Variants in RUNX3 observed in about 807,000 individuals in gnomAD.
RUNX3 encodes the protein runt-related transcription factor 3.
Under a neutral mutation model 27.7 loss-of-function variants are expected in RUNX3, and 10 were observed. The observed-to-expected ratio is 0.36, with a 90% CI of 0.22 to 0.61. The LOEUF (loss-of-function observed/expected upper bound fraction) is 0.61, where lower values mean the gene tolerates loss of function less well. Among genes scored for constraint, RUNX3 ranks in the 20% least tolerant of loss-of-function variants. RUNX3 has a pLI of 0.72. For missense variants in RUNX3, 469 were observed against 629.5 expected, an observed-to-expected ratio of 0.75 and a Z score of 2.73; for synonymous variants, 270 against 269.2, an observed-to-expected ratio of 1.00 and a Z score of -0.03.
intron 1 of RUNX3, chr1:24,929,083 G>C (rs1323083163): frequency 4.4e-6 from 2 of 458,614 alleles, no homozygotes; most frequent in Non-Finnish European, 8.8e-6. Context: ...CTGGAGAGCA[G>C]TGCCCCGATC....
chr1:24,909,532 T>C (rs752961293), intron 3 of RUNX3, among the ~76,000 whole-genome samples: 15 of 152,164 alleles, frequency 9.9e-5, no homozygotes, highest in Non-Finnish European at 1.8e-4. Flanking sequence ...GGAGTTCCCA[T>C]AAAACCCTGG....
intron 2 of RUNX3, among the ~76,000 whole-genome samples, chr1:24,949,496 G>C (rs988650132): frequency 6.6e-6 from 1 of 152,114 alleles, no homozygotes; most frequent in Non-Finnish European, 1.5e-5. Flanking sequence ...ACAGAGAGAG[G>C]CCCCAACCTG....
intron 2 of RUNX3, among the ~76,000 whole-genome samples, chr1:24,951,219 A>AAAT (rs1430956432): frequency 4.9e-4 from 73 of 150,388 alleles, no homozygotes; most frequent in African/African-American, 1.7e-3. Flanking sequence ...AAAAAAAAAA[A>AAAT]AAAATAAGGC....
At chr1:24,924,146 C>T (rs1010142224) in intron 2 of RUNX3, among the ~76,000 whole-genome samples, 1 of 152,140 alleles carries the variant, frequency 6.6e-6, no homozygotes, top group East Asian at 1.9e-4. Flanking sequence ...GCAGGAGGAT[C>T]GCTTGAGTCC....
chr1:24,901,835 G>A lies in RUNX3; in HGVS notation c.*287C>T, dbSNP rs983309157. On this transcript the variant is annotated 3_prime_UTR_variant, in exon 5 of 5. Transcript: ENST00000308873. ...AGCTGGAGACAGTGAGGTCCTTCCG[G>A]GGGGGTGGCAGGAGGCTGATTCCCC... 6.8e-6 allele frequency: 3 copies of A among 441,580 alleles called. No homozygotes were observed. The highest frequency in any genetic ancestry group is 3.6e-5 in the East Asian group (1 of 27,796). 27.4% of individuals were successfully genotyped at this position (441,580 alleles called of 1,614,324 possible).
intron 1 of RUNX3, 95 bp downstream of exon 1, chr1:24,929,492 C>G (rs757359840): frequency 1.6e-6 from 2 of 1,273,732 alleles, no homozygotes. Flanking sequence ...TCTCGGGCAC[C>G]TCCCATCCCC....
upstream of RUNX3, among the ~76,000 whole-genome samples, chr1:24,935,011 C>A (rs546487745): frequency 3.3e-5 from 5 of 152,114 alleles, no homozygotes; most frequent in Non-Finnish European, 7.4e-5. Context: ...AACCAGTCTG[C>A]GAGGAGGCAG....
At chr1:24,960,248 A>C (rs75607015) in intron 2 of RUNX3, among the ~76,000 whole-genome samples, 13,075 of 152,238 alleles carry the variant, frequency 0.086, 1,902 homozygotes, top group African/African-American at 0.3. Flanking sequence ...TGTTCATCAA[A>C]TGGAAAATGC....
rs1436604304 is a variant in RUNX3 at position 24,943,558 on chromosome 1, T to G, written c.59-13706A>C. Among the ~76,000 whole-genome samples the G allele has an allele frequency of 2.0e-5, 3 of 152,098 alleles. No homozygotes were observed. The highest frequency in any genetic ancestry group is 2.9e-5 in the Non-Finnish European group (2 of 68,016). On this transcript the variant is annotated intron_variant, in intron 2 of 6. Coordinates refer to the RUNX3 transcript ENST00000338888. The surrounding 1 kb of genome is among the most constrained non-coding windows in gnomAD (Gnocchi z 4.6). ...CCTGCCAAACACACAGCTACCAGGT[T>G]TTTGTCTTAGGAAATAAGAGCCCTG... is the stretch of plus-strand genomic sequence containing the variant.
Position 24,916,161 on chromosome 1 carries a change from T to C in RUNX3, c.544+3079A>G, listed in dbSNP as rs1275731281. Among the ~76,000 whole-genome samples the C allele has an allele frequency of 5.9e-5, 9 of 152,162 alleles. No individual in the cohort carries two copies. Among genetic ancestry groups the C allele is most frequent in the Non-Finnish European group, 1.3e-4 (9 of 68,012 alleles). On this transcript the variant is annotated intron_variant, in intron 3 of 4. Transcript: ENST00000308873. The surrounding 1 kb of genome is among the most constrained non-coding windows in gnomAD (Gnocchi z 4.8). ...CACTTCACCCCACAGCGGGCTCAGA[T>C]TTCAGAGGGTCGGAGGTGGCAAAAC... is the stretch of plus-strand genomic sequence containing the variant.
Position 24,901,028 on chromosome 1 carries a change from G to GTTTT in RUNX3, c.*1090_*1093dup. 1 of 123,572 alleles carries GTTTT rather than the reference G, an allele frequency of 8.1e-6. No homozygotes were observed. Among genetic ancestry groups the GTTTT allele is most frequent in the African/African-American group, 3.5e-5 (1 of 28,882 alleles). The allele number at this position is 123,572 out of a possible 1,614,324, so 7.7% of individuals were successfully genotyped here. A position where few individuals can be genotyped will look rare whatever the true frequency, so the allele number is the denominator to read the frequency against. ...TTAAAAACTGTTTTGTTTTTTTTTT[G>GTTTT]TTTTTTTGTTTTTTTTTTTTTTTTG... On this transcript the variant is annotated 3_prime_UTR_variant, in exon 5 of 5. Coordinates refer to ENST00000308873, the MANE Select transcript of RUNX3 (RefSeq NM_004350.3).
chr1:24,909,026 C>G (rs970454716), intron 3 of RUNX3, among the ~76,000 whole-genome samples: 8 of 152,154 alleles, frequency 5.3e-5, no homozygotes, highest in African/African-American at 1.9e-4. Flanking sequence ...GAGAAAACTG[C>G]CAGCATTTTC....
At chr1:24,959,425 G>A (rs946652621) in intron 2 of RUNX3, among the ~76,000 whole-genome samples, 1 of 152,200 alleles carries the variant, frequency 6.6e-6, no homozygotes, top group Non-Finnish European at 1.5e-5. Flanking sequence ...GCCATCAAAG[G>A]GACCTAGCAG....
chr1:24,960,261 A>T (rs1388229534), intron 2 of RUNX3, among the ~76,000 whole-genome samples: 1 of 152,238 alleles, frequency 6.6e-6, no homozygotes, highest in Non-Finnish European at 1.5e-5. Context: ...GAAAATGCTT[A>T]TTGAGCAACT....
At chr1:24,936,778 C>T (rs1641358036) in intron 2 of RUNX3, among the ~76,000 whole-genome samples, 1 of 152,200 alleles carries the variant, frequency 6.6e-6, no homozygotes, top group African/African-American at 2.4e-5. Flanking sequence ...ACTGTCAGTC[C>T]TTGTGAAGCC....
intron 2 of RUNX3, among the ~76,000 whole-genome samples, chr1:24,953,569 C>T (rs1641834510): frequency 6.6e-6 from 1 of 152,112 alleles, no homozygotes; most frequent in Non-Finnish European, 1.5e-5. Flanking sequence ...TTCACGTGCC[C>T]CTGGTGGCTA....
chr1:24,919,889 T>C (rs977585835), intron 2 of RUNX3, among the ~76,000 whole-genome samples: 2 of 152,124 alleles, frequency 1.3e-5, no homozygotes, highest in African/African-American at 4.8e-5. Context: ...TACTGTTTTT[T>C]TTTTCATTTA....
intron 2 of RUNX3, among the ~76,000 whole-genome samples, chr1:24,951,310 G>A (rs181404599): frequency 8.6e-5 from 13 of 152,016 alleles, no homozygotes; most frequent in African/African-American, 3.1e-4. Flanking sequence ...CAGCTCCCTG[G>A]GGTGCTCTCT....
intron 3 of RUNX3, among the ~76,000 whole-genome samples, chr1:24,911,980 G>A (rs1044377027): frequency 2.6e-5 from 4 of 152,256 alleles, no homozygotes; most frequent in African/African-American, 9.6e-5. Context: ...CTGCCAGGGA[G>A]GGGAGAGGGG....
Sources: gnomAD v4.1 joint callset for allele counts (sites outside exome capture counted in the v4.1 genomes callset) on GRCh38, gnomAD v4.1.1 for gene constraint, Gnocchi (gnomAD v3.1) non-coding constraint, MANE v1.5 for transcripts, NCBI Gene and HGNC (gene_info 2026-07-23, HGNC 2026-07-21) for gene names.